The following SETD9 variants were observed in gnomAD, a reference collection of about 807,000 sequenced individuals.
SETD9 encodes SET domain-containing protein 9.
A neutral mutation model predicts 36.4 loss-of-function variants in SETD9; 37 were observed. That is an observed-to-expected ratio of 1.02 (90% CI 0.78 to 1.34). SETD9 has a LOEUF of 1.34. Ranked by LOEUF, SETD9 falls within the 40% of genes most tolerant of loss-of-function variation. The probability of loss-of-function intolerance (pLI) is 0.00; values close to 1 mark genes in which losing one functional copy is unlikely to be tolerated. For missense variants in SETD9, 323 were observed against 353.2 expected, an observed-to-expected ratio of 0.91 and a Z score of 0.69; for synonymous variants, 128 against 132.9, an observed-to-expected ratio of 0.96 and a Z score of 0.26.
At position 56,923,195 on chromosome 5, in the gene SETD9, G is replaced by A. The variant is rs1403225670; in HGVS notation, c.813-2138G>A. 16 of 1,614,048 alleles carry A rather than the reference G, an allele frequency of 9.9e-6. No individual in the cohort carries two copies. The highest frequency in any genetic ancestry group is 1.3e-5 in the Non-Finnish European group (15 of 1,180,008). On this transcript the variant is annotated intron_variant, in intron 5 of 5. Transcript: ENST00000628593. The stretch of plus-strand genomic sequence containing the variant: ...ACTGATGAAACCATTGGTCTCGTTG[G>A]CAGAGAGACTGCCAAAGTCAGCCAC...
At chr5:56,910,227 A>C in intron 1 of SETD9, 1 of 1,291,024 alleles carries the variant, frequency 7.7e-7, no homozygotes, top group Non-Finnish European at 1.0e-6. Flanking sequence ...AGGTGCTTGA[A>C]CTTCCTCAGA....
At chr5:56,915,051 G>A in intron 5 of SETD9, 85 bp downstream of exon 5, 2 of 1,046,936 alleles carry the variant, frequency 1.9e-6, no homozygotes, top group East Asian at 3.0e-5. Flanking sequence ...TAGAATTTGG[G>A]GTAAAATTTT....
chr5:56,923,113 G>C (rs772259529), intron 5 of SETD9: 2 of 1,607,578 alleles, frequency 1.2e-6, no homozygotes, highest in Non-Finnish European at 1.7e-6. Flanking sequence ...CGCAGTTCCG[G>C]GATCCTCACT....
At chr5:56,924,928 C>T (rs1395807888) in intron 5 of SETD9, among the ~76,000 whole-genome samples, 1 of 152,188 alleles carries the variant, frequency 6.6e-6, no homozygotes, top group Non-Finnish European at 1.5e-5. Flanking sequence ...GTATACCTTT[C>T]AATAAACATC....
downstream of SETD9, among the ~76,000 whole-genome samples, chr5:56,917,740 C>T (rs984946558): frequency 6.6e-6 from 1 of 152,230 alleles, no homozygotes; most frequent in Non-Finnish European, 1.5e-5. Flanking sequence ...CAGCCAGTGA[C>T]AGAGTGAGTC....
chr5:56,918,325 T>C (rs1452865942), downstream of SETD9, among the ~76,000 whole-genome samples: 7 of 152,188 alleles, frequency 4.6e-5, no homozygotes, highest in East Asian at 1.9e-4. Flanking sequence ...CATAGCTTGT[T>C]CTCTCCCTTC....
chr5:56,914,928 G>A lies in SETD9; in HGVS notation c.774G>A (p.Gln258=). The A allele has an allele frequency of 5.6e-6, 9 of 1,599,194 alleles. No homozygotes were observed. The highest frequency in any genetic ancestry group is 7.7e-6 in the Non-Finnish European group (9 of 1,169,946). ...CAGTTTTCCCTATAGAACTGAAGCA[G>A]TATCTTCCAAACATTGCCTACAGCT... ...VPAVFPIELK[Q]YLPNIAYSYD... is the part of the protein sequence containing the mutation. Residue 258 remains glutamine, a synonymous_variant, in exon 5 of 6, where the codon CAG becomes CAA. Transcript: ENST00000285947.
At position 56,910,187 on chromosome 5, in the gene SETD9, G is replaced by C. The variant is rs192945133; in HGVS notation, c.98+444G>C. The C allele has an allele frequency of 8.8e-6, 11 of 1,246,374 alleles. No homozygotes were observed. In the Admixed American group the frequency reaches 2.5e-4, roughly 29 times the overall value. The allele number at this position is 1,246,374 out of a possible 1,614,324, so 77.2% of individuals were successfully genotyped here. The stretch of plus-strand genomic sequence containing the variant: ...AAGACTGCCCTTACCGCGTGAGAGT[G>C]CGTGGCTTTTTCTCCACCAGGGGTT... On this transcript the variant is annotated intron_variant, in intron 1 of 5. Transcript: ENST00000285947.
At chr5:56,916,597 G>A (rs1351933150) in intron 5 of SETD9, among the ~76,000 whole-genome samples, 1 of 152,088 alleles carries the variant, frequency 6.6e-6, no homozygotes, top group Non-Finnish European at 1.5e-5. Flanking sequence ...GTAGTCAGTT[G>A]TATAAACATT....
intron 5 of SETD9, chr5:56,924,036 T>C (rs1394562929): frequency 6.3e-7 from 1 of 1,591,040 alleles, no homozygotes; most frequent in Non-Finnish European, 8.5e-7. Flanking sequence ...ACTGTCCTAG[T>C]TCTCACCTAA....
chr5:56,916,116 G>A (rs1202186144), intron 5 of SETD9, among the ~76,000 whole-genome samples: 4 of 152,012 alleles, frequency 2.6e-5, no homozygotes, highest in African/African-American at 9.7e-5. Flanking sequence ...TATCTAGGCT[G>A]GGTGCGGTGG....
chr5:56,917,395 G>A (rs768106787), downstream of SETD9: 91 of 850,234 alleles, frequency 1.1e-4, no homozygotes, highest in Non-Finnish European at 1.2e-4. Context: ...CTGGCTGAGG[G>A]GAAAATGTGA....
Position 56,917,165 on chromosome 5 carries a change from A to T in SETD9, c.*263A>T. ...ATACACAATAGCTTATTAAATTAAA[A>T]CCTACTCTTTGAACTTATAATTTCA... On this transcript the variant is annotated 3_prime_UTR_variant, in exon 6 of 6. Coordinates refer to ENST00000285947, the MANE Select transcript of SETD9 (RefSeq NM_153706.4). The T allele has an allele frequency of 8.9e-7, 1 of 1,123,206 alleles. No homozygotes were observed. The highest frequency in any genetic ancestry group is 1.1e-6 in the Non-Finnish European group (1 of 919,156). 69.6% of individuals were successfully genotyped at this position (1,123,206 alleles called of 1,614,324 possible).
chr5:56,909,792 G>C lies in SETD9; in HGVS notation c.98+49G>C, dbSNP rs764742832. ...GAGGGGCACCTGCCTTCGGTTCCCA[G>C]ACGCCACCACGGCGGCGGGACGCAA... On this transcript the variant is annotated intron_variant, in intron 1 of 5. Coordinates refer to ENST00000285947, the MANE Select transcript of SETD9 (RefSeq NM_153706.4). The C allele has an allele frequency of 2.8e-6, 4 of 1,415,306 alleles. No homozygotes were observed. The South Asian group carries it at 4.6e-5, about 16-fold the overall frequency. 87.7% of individuals were successfully genotyped at this position (1,415,306 alleles called of 1,614,324 possible).
chr5:56,917,222 G>T lies in SETD9; in HGVS notation c.*320G>T. ...CTTTTGTTTATTTTGTAAGCTCTGT[G>T]GTGGTTTATAAAATTGTAGCCAGGC... is the stretch of plus-strand genomic sequence containing the variant. On this transcript the variant is annotated 3_prime_UTR_variant, in exon 6 of 6. Coordinates refer to ENST00000285947, the MANE Select transcript of SETD9 (RefSeq NM_153706.4). The T allele has an allele frequency of 9.5e-7, 1 of 1,050,334 alleles. No individual in the cohort carries two copies. The allele number at this position is 1,050,334 out of a possible 1,614,324, so 65.1% of individuals were successfully genotyped here. A position where few individuals can be genotyped will look rare whatever the true frequency, so the allele number is the denominator to read the frequency against.
At chr5:56,927,990 T>C (rs1202506338), downstream of SETD9, 1 of 152,230 alleles carries the variant, frequency 6.6e-6, no homozygotes, top group African/African-American at 2.4e-5. Flanking sequence ...TCAGATTGGC[T>C]TCCTTCACTT....
intron 3 of SETD9, among the ~76,000 whole-genome samples, chr5:56,913,656 T>A (rs182105722): frequency 2.0e-5 from 3 of 152,278 alleles, no homozygotes; most frequent in Non-Finnish European, 2.9e-5. Flanking sequence ...AGTATTGGGA[T>A]TACAGGCGTG....
downstream of SETD9, chr5:56,919,579 A>ATTT (rs1749567276): frequency 6.6e-6 from 1 of 152,578 alleles, no homozygotes; most frequent in Admixed American, 6.5e-5. Flanking sequence ...TATTTTTGGC[A>ATTT]AATATTCACA....
intron 5 of SETD9, chr5:56,925,263 G>GT (rs1749907954): frequency 2.3e-6 from 1 of 435,918 alleles, no homozygotes; most frequent in Admixed American, 2.6e-5. Flanking sequence ...AGCTAATGCA[G>GT]TAAGACAAGA....
Sources: allele counts gnomAD v4.1 joint callset (sites outside exome capture counted in the v4.1 genomes callset), GRCh38; gene constraint gnomAD v4.1.1; transcripts MANE v1.5; gene names NCBI Gene and HGNC (gene_info 2026-07-23, HGNC 2026-07-21).